Variants in BBS9 observed in about 807,000 individuals in gnomAD.
The protein encoded by BBS9 is protein PTHB1.
A neutral mutation model predicts 117.7 loss-of-function variants in BBS9; 89 were observed. The ratio of observed to expected loss-of-function variants is 0.76; its 90% CI spans 0.64 to 0.90. The LOEUF is 0.90. Ranked by LOEUF, BBS9 falls within the 40% of genes least tolerant of loss-of-function variation. The probability of loss-of-function intolerance (pLI) is 0.00; values close to 1 mark genes in which losing one functional copy is unlikely to be tolerated. For missense variants in BBS9, 982 were observed against 1,042.2 expected, an observed-to-expected ratio of 0.94 and a Z score of 0.80; for synonymous variants, 379 against 370.9, an observed-to-expected ratio of 1.02 and a Z score of -0.25.
intron 21 of BBS9, among the ~76,000 whole-genome samples, chr7:33,548,594 G>A (rs1461619978): frequency 2.0e-5 from 3 of 147,706 alleles, no homozygotes; most frequent in African/African-American, 5.0e-5. Flanking sequence ...GAGAATATGC[G>A]GTGTTTGGTT....
intron 20 of BBS9, among the ~76,000 whole-genome samples, chr7:33,507,253 C>T (rs1846272464): frequency 6.6e-6 from 1 of 151,744 alleles, no homozygotes; most frequent in Non-Finnish European, 1.5e-5. Flanking sequence ...TTTGTTTTTT[C>T]GTTTTGAGAT....
At chr7:33,238,407 C>T (rs1321256170) in intron 5 of BBS9, among the ~76,000 whole-genome samples, 1 of 152,144 alleles carries the variant, frequency 6.6e-6, no homozygotes, top group East Asian at 1.9e-4. Context: ...TCTCCTGCCT[C>T]AGCCTCCTGA....
chr7:33,508,889 A>G (rs1490595682), intron 20 of BBS9, among the ~76,000 whole-genome samples: 1 of 152,188 alleles, frequency 6.6e-6, no homozygotes, highest in African/African-American at 2.4e-5. Context: ...AGAGATCTTT[A>G]AAAAGTCTTA....
At chr7:33,467,915 T>A (rs1367769265) in intron 19 of BBS9, among the ~76,000 whole-genome samples, 1 of 152,100 alleles carries the variant, frequency 6.6e-6, no homozygotes, top group African/African-American at 2.4e-5. Context: ...AATCTAAATA[T>A]GGAGTTAATT....
chr7:33,200,154 C>T (rs1253909644), intron 5 of BBS9, among the ~76,000 whole-genome samples: 2 of 152,062 alleles, frequency 1.3e-5, no homozygotes, highest in Non-Finnish European at 2.9e-5. Flanking sequence ...TATCCTCCTT[C>T]CAATTATATC....
At chr7:33,436,069 A>G (rs1265631233) in intron 19 of BBS9, among the ~76,000 whole-genome samples, 2 of 152,178 alleles carry the variant, frequency 1.3e-5, no homozygotes, top group African/African-American at 2.4e-5. Context: ...AGTGCCGTGC[A>G]AGTGCAACTT....
At chr7:33,297,153 C>A (rs1359227658) in intron 9 of BBS9, among the ~76,000 whole-genome samples, 1 of 152,096 alleles carries the variant, frequency 6.6e-6, no homozygotes, top group Non-Finnish European at 1.5e-5. Flanking sequence ...ACATATGACT[C>A]CAGGAGATGA....
intron 11 of BBS9, 51 bp downstream of exon 11, chr7:33,341,024 A>G (rs1429805151): frequency 6.7e-7 from 1 of 1,494,972 alleles, no homozygotes; most frequent in Non-Finnish European, 9.3e-7. Context: ...GTAAACTCTG[A>G]TGAATTAGGA....
chr7:33,237,906 A>T (rs987509535), intron 5 of BBS9, among the ~76,000 whole-genome samples: 7 of 152,152 alleles, frequency 4.6e-5, no homozygotes, highest in Non-Finnish European at 1.0e-4. Flanking sequence ...AGTGGATAGA[A>T]ATTGTGTCAA....
chr7:33,376,537 A>G (rs781258702), intron 17 of BBS9, among the ~76,000 whole-genome samples: 5 of 152,182 alleles, frequency 3.3e-5, no homozygotes, highest in Non-Finnish European at 5.9e-5. Context: ...AGAACGATTT[A>G]TATTCCTTTT....
intron 19 of BBS9, among the ~76,000 whole-genome samples, chr7:33,498,936 A>T (rs2129006997): frequency 6.6e-6 from 1 of 152,314 alleles, no homozygotes; most frequent in African/African-American, 2.4e-5. Flanking sequence ...AGGAGCTGCC[A>T]GCCTATTTAA....
At chr7:33,326,237 C>T (rs79348821) in intron 9 of BBS9, among the ~76,000 whole-genome samples, 9,795 of 151,422 alleles carry the variant, frequency 0.065, 458 homozygotes, top group Non-Finnish European at 0.09. Flanking sequence ...CTCCCCTCCC[C>T]TCCCCCTCCC....
chr7:33,619,551 C>T (rs962573431), intron 21 of BBS9, among the ~76,000 whole-genome samples: 11 of 152,030 alleles, frequency 7.2e-5, no homozygotes, highest in Admixed American at 4.6e-4. Flanking sequence ...AGCAGCAGAA[C>T]GCATGATATT....
chr7:33,395,130 C>T (rs1237504228), intron 19 of BBS9, among the ~76,000 whole-genome samples: 2 of 152,068 alleles, frequency 1.3e-5, no homozygotes, highest in Non-Finnish European at 2.9e-5. Flanking sequence ...TATTCATGAT[C>T]ATCTAATAGT....
At chr7:33,466,514 G>A (rs1158968597) in intron 19 of BBS9, among the ~76,000 whole-genome samples, 20 of 152,090 alleles carry the variant, frequency 1.3e-4, no homozygotes, top group Admixed American at 1.3e-3. Flanking sequence ...TTTTGTGTAT[G>A]TGTGTGTATA....
chr7:33,228,261 C>T (rs906644925), intron 5 of BBS9, among the ~76,000 whole-genome samples: 2 of 151,978 alleles, frequency 1.3e-5, no homozygotes, highest in East Asian at 3.9e-4. Context: ...TGTTTGTTGA[C>T]TGTTTGTATA....
chr7:33,401,549 T>C (rs1828916811), intron 19 of BBS9, among the ~76,000 whole-genome samples: 1 of 150,022 alleles, frequency 6.7e-6, no homozygotes, highest in South Asian at 2.1e-4. Flanking sequence ...GTGGGACAAC[T>C]TGAAGGGGTG....
rs1786948344 is a variant in BBS9, at chr7:33,206,481, T to TA, written c.442+28890_442+28891insA. Among the ~76,000 whole-genome samples, 3 of 152,314 alleles carry TA rather than the reference T, an allele frequency of 2.0e-5. No homozygotes were observed. In the East Asian group the frequency reaches 5.8e-4, roughly 29 times the overall value. ...AGGTTAAAAATAAGACGTAACTTTATCCCTTTACCCAGGTTTGCCTATTGT... is the reference window on the plus strand; with the variant it reads ...AGGTTAAAAATAAGACGTAACTTTATACCCTTTACCCAGGTTTGCCTATTGT... On this transcript the variant is annotated intron_variant, in intron 5 of 22. Transcript: ENST00000242067.
intron 9 of BBS9, among the ~76,000 whole-genome samples, chr7:33,287,646 G>GA (rs1803151781): frequency 6.6e-6 from 1 of 152,066 alleles, no homozygotes; most frequent in Non-Finnish European, 1.5e-5. Flanking sequence ...TTTAAATAGA[G>GA]AAAATCCACT....
Sources: gnomAD v4.1 joint callset for allele counts (sites outside exome capture counted in the v4.1 genomes callset) on GRCh38, gnomAD v4.1.1 for gene constraint, MANE v1.5 for transcripts, NCBI Gene and HGNC (gene_info 2026-07-23, HGNC 2026-07-21) for gene names.